The following CDH23 variants were observed in gnomAD, a reference collection of about 807,000 sequenced individuals.
CDH23 encodes cadherin related 23.
Under a neutral mutation model 317.1 loss-of-function variants are expected in CDH23, and 189 were observed. The observed-to-expected ratio is 0.60, with a 90% CI of 0.53 to 0.67. The LOEUF is 0.67. CDH23 is among the 30% of genes least tolerant of loss of function. The pLI is 0.00. For synonymous variants in CDH23, 1,839 were observed against 1,876.8 expected (o/e 0.98, Z 0.52); for missense variants, 4,401 against 4,592.4 (o/e 0.96, Z 1.20).
At chr10:71,423,812 T>C (rs1248727951) in intron 1 of CDH23, among the ~76,000 whole-genome samples, 2 of 152,222 alleles carry the variant, frequency 1.3e-5, no homozygotes, top group African/African-American at 4.8e-5. Context: ...CCTGAGAGGC[T>C]GGTGGTGCTC....
Position 71,463,161 on chromosome 10 carries a change from G to A in CDH23, c.145+16766G>A, listed in dbSNP as rs551013979. Among the ~76,000 whole-genome samples the A allele has an allele frequency of 2.0e-5, 3 of 152,312 alleles. No homozygotes were observed. The East Asian group carries it at 5.8e-4, about 29-fold the overall frequency. ...TAGCTCCCAAAATATAAATATCTGA[G>A]TCTATTTGAGAAATGGCAGTAAAGA... is the stretch of plus-strand genomic sequence containing the variant. On this transcript the variant is annotated intron_variant, in intron 3 of 69. Transcript: ENST00000224721.
At chr10:71,549,073 C>G (rs1166494743) in intron 6 of CDH23, among the ~76,000 whole-genome samples, 1 of 152,220 alleles carries the variant, frequency 6.6e-6, no homozygotes, top group Non-Finnish European at 1.5e-5. Context: ...GGGGCCAGAG[C>G]CCCCAGACAC....
chr10:71,792,912 T>A (rs1247539407), intron 47 of CDH23, among the ~76,000 whole-genome samples: 2 of 143,036 alleles, frequency 1.4e-5, no homozygotes, highest in Non-Finnish European at 3.0e-5. Flanking sequence ...CTTGTATAAT[T>A]GACAGAAAAA....
chr10:71,692,400 T>G (rs1364532399), intron 20 of CDH23, among the ~76,000 whole-genome samples: 2 of 152,202 alleles, frequency 1.3e-5, no homozygotes, highest in Admixed American at 1.3e-4. Context: ...TTCCTCTGAG[T>G]TCCTCGGTCA....
intron 9 of CDH23, among the ~76,000 whole-genome samples, chr10:71,587,472 CAT>C (rs1421200105): frequency 2.0e-5 from 3 of 152,190 alleles, no homozygotes; most frequent in Non-Finnish European, 2.9e-5. Flanking sequence ...GTAGAGTTCA[CAT>C]GTTAGTGGAG....
At chr10:71,634,680 G>C (rs904838943) in intron 11 of CDH23, among the ~76,000 whole-genome samples, 3 of 152,234 alleles carry the variant, frequency 2.0e-5, no homozygotes, top group African/African-American at 7.2e-5. Flanking sequence ...GAGGCTGGAG[G>C]GTAGAGCATG....
intron 6 of CDH23, among the ~76,000 whole-genome samples, chr10:71,544,457 G>T (rs1408887967): frequency 1.3e-5 from 2 of 152,192 alleles, no homozygotes; most frequent in African/African-American, 4.8e-5. Flanking sequence ...GGAGTAGGCT[G>T]GGGGCTGGAC....
At position 71,751,106 on chromosome 10, in the gene CDH23, G is replaced by T; in HGVS notation, c.4845+9185G>T. 1 of 954,078 alleles carries T rather than the reference G, an allele frequency of 1.0e-6. No individual in the cohort carries two copies. Among genetic ancestry groups the T allele is most frequent in the Non-Finnish European group, 1.5e-6 (1 of 645,832 alleles). 59.1% of individuals were successfully genotyped at this position (954,078 alleles called of 1,614,324 possible). On this transcript the variant is annotated intron_variant, in intron 38 of 69. Coordinates refer to ENST00000224721, the MANE Select transcript of CDH23 (RefSeq NM_022124.6). The surrounding 1 kb of genome is among the most constrained non-coding windows in gnomAD (Gnocchi z 4.9). ...TAGCATCCAGAGGGGTTGAGGGGCT[G>T]GGCTTCTGGGATGTCACAGTATCTG...
At chr10:71,753,264 C>T (rs765522076) in intron 38 of CDH23, among the ~76,000 whole-genome samples, 7 of 152,372 alleles carry the variant, frequency 4.6e-5, no homozygotes, top group South Asian at 2.1e-4. Context: ...AGTGTAAGAA[C>T]GCTATCTGCC....
At chr10:71,813,954 CAT>C (rs1359145531) in intron 69 of CDH23, among the ~76,000 whole-genome samples, 3 of 152,266 alleles carry the variant, frequency 2.0e-5, no homozygotes, top group East Asian at 1.9e-4. Flanking sequence ...AATAGGCCTA[CAT>C]ATGTTTGCCT....
At chr10:71,754,607 G>A (rs7084874) in intron 38 of CDH23, among the ~76,000 whole-genome samples, 34,090 of 152,030 alleles carry the variant, frequency 0.22, 4,111 homozygotes, top group Non-Finnish European at 0.27. Flanking sequence ...AGATGTTTGT[G>A]CCCATGACTT....
intron 3 of CDH23, among the ~76,000 whole-genome samples, chr10:71,477,264 GT>G (rs889912951): frequency 6.6e-6 from 1 of 152,178 alleles, no homozygotes; most frequent in African/African-American, 2.4e-5. Flanking sequence ...CGCCTCCCAG[GT>G]TCAAGCGATT....
At chr10:71,526,769 A>G (rs1387298876) in intron 6 of CDH23, among the ~76,000 whole-genome samples, 1 of 152,188 alleles carries the variant, frequency 6.6e-6, no homozygotes, top group Non-Finnish European at 1.5e-5. Context: ...TAACCAATCT[A>G]TGGCCAAGGC....
Position 71,646,522 on chromosome 10 carries a change from A to G in CDH23, c.1354A>G (p.Asn452Asp), listed in dbSNP as rs1332602095. Residue 452 changes from asparagine (N) to aspartate (D), a missense_variant, in exon 14 of 70, where the codon AAT becomes GAT. This residue lies in a region of CDH23 where 3,068 missense variants were observed against 3,203.3 expected (regional missense o/e 0.96). Coordinates refer to ENST00000224721, the MANE Select transcript of CDH23 (RefSeq NM_022124.6). The stretch of plus-strand genomic sequence containing the variant: ...TGCCAAGGTGAAGATCACTCTCATC[A>G]ATGAAAATGACAACCGGCCCATCTT... ...GYAKVKITLI[N>D]ENDNRPIFSQ... The G allele has an allele frequency of 1.9e-6, 3 of 1,613,864 alleles. No homozygotes were observed. The highest frequency in any genetic ancestry group is 2.5e-6 in the Non-Finnish European group (3 of 1,179,888).
chr10:71,478,521 C>A (rs1186460335), intron 3 of CDH23, among the ~76,000 whole-genome samples: 1 of 152,230 alleles, frequency 6.6e-6, no homozygotes, highest in African/African-American at 2.4e-5. Flanking sequence ...TCCTGAGCAG[C>A]CCTGCATGAT....
At chr10:71,444,820 C>T (rs1041157872) in intron 2 of CDH23, among the ~76,000 whole-genome samples, 1 of 152,214 alleles carries the variant, frequency 6.6e-6, no homozygotes, top group Non-Finnish European at 1.5e-5. Flanking sequence ...AGAGCTGCCC[C>T]ATACACCCAC....
intron 44 of CDH23, among the ~76,000 whole-genome samples, chr10:71,788,048 G>A (rs1436214408): frequency 6.6e-6 from 1 of 152,146 alleles, no homozygotes; most frequent in East Asian, 1.9e-4. Flanking sequence ...CCTCACCAGT[G>A]TCTGTTGTTT....
At chr10:71,571,547 C>T (rs1201984823) in intron 8 of CDH23, among the ~76,000 whole-genome samples, 1 of 152,204 alleles carries the variant, frequency 6.6e-6, no homozygotes, top group Non-Finnish European at 1.5e-5. Context: ...CAAAACATGC[C>T]TCGGCCCACT....
intron 15 of CDH23, among the ~76,000 whole-genome samples, chr10:71,676,290 C>T (rs1864366661): frequency 6.6e-6 from 1 of 151,992 alleles, no homozygotes; most frequent in African/African-American, 2.4e-5. Context: ...TGGGTGTCAG[C>T]TTGAATGACT....
Sources: allele counts gnomAD v4.1 joint callset (sites outside exome capture counted in the v4.1 genomes callset), GRCh38; gene constraint gnomAD v4.1.1; regional missense constraint gnomAD v4.1.1; non-coding constraint Gnocchi (gnomAD v3.1); transcripts MANE v1.5; gene names NCBI Gene and HGNC (gene_info 2026-07-23, HGNC 2026-07-21).